PDZRN4: variants seen among roughly 807,000 people sequenced by gnomAD.
PDZRN4 encodes PDZ domain-containing RING finger protein 4.
Under a neutral mutation model 99.0 loss-of-function variants are expected in PDZRN4, and 70 were observed. That is an observed-to-expected ratio of 0.71 (90% CI 0.58 to 0.86). The LOEUF (loss-of-function observed/expected upper bound fraction) is 0.86, where lower values mean the gene tolerates loss of function less well. Ranked by LOEUF, PDZRN4 falls within the 40% of genes least tolerant of loss-of-function variation. The pLI is 0.00. For synonymous variants in PDZRN4, 551 were observed against 501.6 expected, an observed-to-expected ratio of 1.10 and a Z score of -1.32; for missense variants, 1,474 against 1,331.2, an observed-to-expected ratio of 1.11 and a Z score of -1.67.
In PDZRN4 at chr12:41,344,561, C is replaced by A. The variant is rs538521977; in HGVS notation, c.843+150373C>A. Among the ~76,000 whole-genome samples the A allele has an allele frequency of 5.2e-3, 778 of 149,804 alleles. 9 individuals carry two copies. The highest frequency in any genetic ancestry group is 0.018 in the African/African-American group (739 of 40,832). ...TCTAACAAATGAAAAAAAGAAAAAA[C>A]AACTTTCTTGCTTAGGCTTTGTTTT... On this transcript the variant is annotated intron_variant, in intron 3 of 9. Coordinates refer to ENST00000402685, the MANE Select transcript of PDZRN4 (RefSeq NM_001164595.2).
intron 3 of PDZRN4, among the ~76,000 whole-genome samples, chr12:41,201,981 C>A (rs1472942922): frequency 6.6e-6 from 1 of 152,156 alleles, no homozygotes; most frequent in African/African-American, 2.4e-5. Flanking sequence ...ACTTGAACAA[C>A]CCTGGTAAAG....
chr12:41,310,148 G>T (rs946888317), intron 3 of PDZRN4, among the ~76,000 whole-genome samples: 2 of 152,066 alleles, frequency 1.3e-5, no homozygotes, highest in Non-Finnish European at 2.9e-5. Context: ...AGCCAGGCTG[G>T]TCTTGAACTA....
chr12:41,456,384 C>T (rs955996272), intron 3 of PDZRN4, among the ~76,000 whole-genome samples: 5 of 151,994 alleles, frequency 3.3e-5, no homozygotes, highest in African/African-American at 7.2e-5. Context: ...TTTTTCACTG[C>T]CCTACCTCAT....
intron 3 of PDZRN4, among the ~76,000 whole-genome samples, chr12:41,450,554 G>A (rs1225760825): frequency 6.6e-6 from 1 of 152,140 alleles, no homozygotes; most frequent in East Asian, 1.9e-4. Context: ...TTACTGTCTT[G>A]CTTATGTTGG....
chr12:41,293,018 C>T lies in PDZRN4; in HGVS notation c.843+98830C>T, dbSNP rs116375288. On this transcript the variant is annotated intron_variant, in intron 3 of 9. Transcript: ENST00000402685. Reference sequence around the variant, plus strand: ...GCTCCACTAACATCTTGGAGGCACGCGCACCTTGCTTCTGGCTGCTCACTC... The same window carrying T: ...GCTCCACTAACATCTTGGAGGCACGTGCACCTTGCTTCTGGCTGCTCACTC... Among the ~76,000 whole-genome samples the T allele has an allele frequency of 1.6e-3, 245 of 151,242 alleles. 2 individuals are homozygous for T. The highest frequency in any genetic ancestry group is 5.5e-3 in the African/African-American group (228 of 41,216).
At chr12:41,437,966 T>C (rs1372754029) in intron 3 of PDZRN4, 9 of 1,613,974 alleles carry the variant, frequency 5.6e-6, no homozygotes, top group Non-Finnish European at 7.6e-6. Flanking sequence ...TTTGTGCACT[T>C]TTCAGAAAAG....
chr12:41,354,678 A>G (rs1035881576), intron 3 of PDZRN4, among the ~76,000 whole-genome samples: 2 of 152,072 alleles, frequency 1.3e-5, no homozygotes, highest in African/African-American at 4.8e-5. Flanking sequence ...GAAGGCTATC[A>G]TAAGAAGCAG....
At chr12:41,313,013 G>A (rs138455181) in intron 3 of PDZRN4, among the ~76,000 whole-genome samples, 4 of 152,188 alleles carry the variant, frequency 2.6e-5, no homozygotes, top group African/African-American at 9.6e-5. Context: ...CATAAACTCA[G>A]GACACTTATT....
chr12:41,303,505 A>T (rs1000800760), intron 3 of PDZRN4, among the ~76,000 whole-genome samples: 1 of 152,230 alleles, frequency 6.6e-6, no homozygotes, highest in Non-Finnish European at 1.5e-5. Context: ...AAATAAAAAT[A>T]CTGAAGAACT....
At chr12:41,365,908 G>C (rs781217310) in intron 3 of PDZRN4, among the ~76,000 whole-genome samples, 32 of 152,106 alleles carry the variant, frequency 2.1e-4, no homozygotes, top group Admixed American at 4.6e-4. Flanking sequence ...CTCTCTGCCA[G>C]TTCAAGCCTT....
chr12:41,573,200 G>A lies in PDZRN4; in HGVS notation c.2421G>A (p.Lys807=). The A allele has an allele frequency of 6.2e-7, 1 of 1,614,138 alleles. No homozygotes were observed. The highest frequency in any genetic ancestry group is 8.5e-7 in the Non-Finnish European group (1 of 1,180,018). ...TTEQGCSAES[K]EKVLEGSKLP... is the part of the protein sequence containing the mutation. The stretch of plus-strand genomic sequence containing the variant: ...AGCAAGGTTGTAGCGCTGAAAGCAA[G>A]GAGAAGGTTTTAGAAGGCAGCAAGC... The change falls in exon 10 of 10, where the codon AAG becomes AAA. Residue 807 remains lysine (K), a synonymous_variant. Coordinates refer to ENST00000402685, the MANE Select transcript of PDZRN4 (RefSeq NM_001164595.2).
chr12:41,514,783 T>C (rs1172971973), intron 5 of PDZRN4, among the ~76,000 whole-genome samples: 2 of 152,100 alleles, frequency 1.3e-5, no homozygotes, highest in Non-Finnish European at 2.9e-5. Flanking sequence ...CCCTCTTGCT[T>C]TCCAGCAGGT....
chr12:41,456,717 G>C (rs968778524), intron 3 of PDZRN4, among the ~76,000 whole-genome samples: 2 of 152,272 alleles, frequency 1.3e-5, no homozygotes, highest in Non-Finnish European at 2.9e-5. Flanking sequence ...ATGGTCACTG[G>C]ATCACCTGAG....
At chr12:41,545,485 C>T (rs11180990) in intron 5 of PDZRN4, among the ~76,000 whole-genome samples, 1 of 150,692 alleles carries the variant, frequency 6.6e-6, no homozygotes, top group East Asian at 2.0e-4. Context: ...TTTCCCTCTG[C>T]CCCAGCCCAT....
At chr12:41,432,629 G>C (rs964004460) in intron 3 of PDZRN4, among the ~76,000 whole-genome samples, 1 of 152,184 alleles carries the variant, frequency 6.6e-6, no homozygotes, top group Non-Finnish European at 1.5e-5. Context: ...TCCAATAAGA[G>C]AGGTAAAGCA....
At chr12:41,536,666 G>T (rs1401445001) in intron 5 of PDZRN4, among the ~76,000 whole-genome samples, 2 of 150,600 alleles carry the variant, frequency 1.3e-5, no homozygotes, top group African/African-American at 4.9e-5. Context: ...AAAAGGCTAT[G>T]TATGTGTGAA....
At chr12:41,247,959 G>T (rs1243188392) in intron 3 of PDZRN4, among the ~76,000 whole-genome samples, 1 of 108,884 alleles carries the variant, frequency 9.2e-6, no homozygotes, top group Non-Finnish European at 2.2e-5. Context: ...TGTGCTGAAG[G>T]CTCACAGACG....
chr12:41,191,411 C>A, intron 1 of PDZRN4, 47 bp from the exon 2 acceptor site: 1 of 926,736 alleles, frequency 1.1e-6, no homozygotes, highest in Non-Finnish European at 1.7e-6. Context: ...ATTTATTTTT[C>A]TTTTATATTT....
At chr12:41,278,077 G>C (rs1054251936) in intron 3 of PDZRN4, among the ~76,000 whole-genome samples, 3 of 152,162 alleles carry the variant, frequency 2.0e-5, no homozygotes, top group African/African-American at 7.2e-5. Context: ...CACTCAATAT[G>C]TTTGCATGGA....
Sources: gnomAD v4.1 joint callset for allele counts (sites outside exome capture counted in the v4.1 genomes callset) on GRCh38, gnomAD v4.1.1 for gene constraint, MANE v1.5 for transcripts, NCBI Gene and HGNC (gene_info 2026-07-23, HGNC 2026-07-21) for gene names.